GPM6A: variants seen among roughly 807,000 people sequenced by gnomAD.
GPM6A encodes the protein glycoprotein M6A.
A neutral mutation model predicts 32.1 loss-of-function variants in GPM6A; 7 were observed. That is an observed-to-expected ratio of 0.22 (90% CI 0.12 to 0.41). The LOEUF is 0.41. Ranked by LOEUF, GPM6A falls within the 10% of genes least tolerant of loss-of-function variation. GPM6A has a pLI of 1.00. For synonymous variants in GPM6A, 130 were observed against 123.4 expected, an observed-to-expected ratio of 1.05 and a Z score of -0.35; for missense variants, 235 against 347.2, an observed-to-expected ratio of 0.68 and a Z score of 2.57.
At chr4:175,876,331 T>C (rs937369903) in intron 1 of GPM6A, among the ~76,000 whole-genome samples, 1 of 152,190 alleles carries the variant, frequency 6.6e-6, no homozygotes, top group African/African-American at 2.4e-5. Context: ...ATATGACTCA[T>C]GCAATGGCCA....
chr4:175,721,165 A>ATATATATATATATATT (rs1553981545), intron 1 of GPM6A, among the ~76,000 whole-genome samples: 2 of 145,316 alleles, frequency 1.4e-5, no homozygotes, highest in Non-Finnish European at 3.0e-5. Context: ...ATATATATAT[A>ATATATATATATATATT]TTTTCTATTT....
intron 1 of GPM6A, among the ~76,000 whole-genome samples, chr4:175,758,868 A>G (rs1202587022): frequency 2.6e-5 from 4 of 152,170 alleles, no homozygotes; most frequent in African/African-American, 9.6e-5. Flanking sequence ...GGATTGCAAC[A>G]TCAAGTTTTA....
intron 1 of GPM6A, among the ~76,000 whole-genome samples, chr4:175,848,114 CAG>C (rs1488444531): frequency 6.6e-6 from 1 of 152,194 alleles, no homozygotes; most frequent in African/African-American, 2.4e-5. Flanking sequence ...GCAAAAAGCT[CAG>C]AGTTCCCTTT....
intron 1 of GPM6A, among the ~76,000 whole-genome samples, chr4:175,867,808 G>T (rs934548061): frequency 6.6e-6 from 1 of 152,152 alleles, no homozygotes; most frequent in African/African-American, 2.4e-5. Context: ...GGCTACAGCC[G>T]ATTGAAGTGG....
chr4:175,945,506 TGTAA>T (rs1406997245), intron 1 of GPM6A, among the ~76,000 whole-genome samples: 1 of 152,062 alleles, frequency 6.6e-6, no homozygotes, highest in Non-Finnish European at 1.5e-5. Flanking sequence ...ATTACTTAGT[TGTAA>T]GTAATACACA....
intron 1 of GPM6A, among the ~76,000 whole-genome samples, chr4:175,918,512 A>G (rs1738567298): frequency 6.6e-6 from 1 of 152,108 alleles, no homozygotes. Flanking sequence ...TAACAACAAA[A>G]AAAAAAAGCT....
At chr4:175,945,873 C>A (rs80053137) in intron 1 of GPM6A, among the ~76,000 whole-genome samples, 65 of 148,676 alleles carry the variant, frequency 4.4e-4, no homozygotes, top group Non-Finnish European at 7.7e-4. Context: ...ACGTACAACT[C>A]AGTAATACGG....
chr4:175,755,102 T>G (rs927995587), intron 1 of GPM6A, among the ~76,000 whole-genome samples: 1 of 152,114 alleles, frequency 6.6e-6, no homozygotes, highest in Non-Finnish European at 1.5e-5. Context: ...AAATAAAACA[T>G]TTAACCTTTC....
At chr4:175,989,179 C>T (rs1741064760) in intron 1 of GPM6A, among the ~76,000 whole-genome samples, 1 of 152,052 alleles carries the variant, frequency 6.6e-6, no homozygotes, top group African/African-American at 2.4e-5. Flanking sequence ...ATCCTATTAG[C>T]TTTAAAAAAA....
intron 1 of GPM6A, among the ~76,000 whole-genome samples, chr4:175,928,951 T>G (rs72704542): frequency 0.023 from 3,447 of 152,294 alleles, 69 homozygotes; most frequent in African/African-American, 0.044. Context: ...AGAATACATT[T>G]TAAGCACATT....
At chr4:175,998,388 C>T (rs1461592102) in intron 1 of GPM6A, among the ~76,000 whole-genome samples, 2 of 152,138 alleles carry the variant, frequency 1.3e-5, no homozygotes, top group Non-Finnish European at 2.9e-5. Context: ...CTGGCTTCAA[C>T]TGATCCACCC....
At chr4:175,727,835 C>T (rs1731244276) in intron 1 of GPM6A, among the ~76,000 whole-genome samples, 1 of 151,932 alleles carries the variant, frequency 6.6e-6, no homozygotes, top group Non-Finnish European at 1.5e-5. Flanking sequence ...GAAACCCCAT[C>T]TCTACTAAAA....
intron 2 of GPM6A, among the ~76,000 whole-genome samples, chr4:175,681,168 T>C (rs995256780): frequency 5.3e-5 from 8 of 152,208 alleles, no homozygotes; most frequent in African/African-American, 1.9e-4. Flanking sequence ...TTGTTACGTA[T>C]TGCCAATTCC....
Position 175,959,059 on chromosome 4 carries a change from C to G in GPM6A, c.-23+43250G>C, listed in dbSNP as rs533281060. On this transcript the variant is annotated intron_variant, in intron 1 of 7. Coordinates refer to the GPM6A transcript ENST00000280187. ...AAAACACTTAAAAACCCTATAGTTA[C>G]AATATAGGTAGGAATAGTAGACGGA... is the stretch of plus-strand genomic sequence containing the variant. Among the ~76,000 whole-genome samples, 6 of 152,082 alleles carry G rather than the reference C, an allele frequency of 3.9e-5. No homozygotes were observed. In the East Asian group the frequency reaches 1.2e-3, roughly 29 times the overall value.
intron 1 of GPM6A, among the ~76,000 whole-genome samples, chr4:175,707,953 G>GA (rs1161559374): frequency 6.6e-6 from 1 of 151,484 alleles, no homozygotes; most frequent in Non-Finnish European, 1.5e-5. Context: ...GCATTCATGA[G>GA]AAAAAAAATG....
At chr4:175,771,101 A>G (rs1733169189) in intron 1 of GPM6A, among the ~76,000 whole-genome samples, 1 of 152,070 alleles carries the variant, frequency 6.6e-6, no homozygotes, top group Non-Finnish European at 1.5e-5. Context: ...TATTTTCTCT[A>G]TCCTAACCTA....
intron 1 of GPM6A, among the ~76,000 whole-genome samples, chr4:175,889,333 G>C (rs1012847548): frequency 6.6e-6 from 1 of 152,044 alleles, no homozygotes; most frequent in East Asian, 1.9e-4. Context: ...AAACTAGACT[G>C]AGCAATATGG....
At chr4:175,969,581 G>T (rs144832214) in intron 1 of GPM6A, among the ~76,000 whole-genome samples, 7,987 of 152,070 alleles carry the variant, frequency 0.053, 530 homozygotes, top group African/African-American at 0.16. Context: ...CGTGGTGGTG[G>T]GCACTTGTAA....
chr4:175,670,048 T>C (rs999793874), intron 3 of GPM6A, among the ~76,000 whole-genome samples: 13 of 152,100 alleles, frequency 8.5e-5, no homozygotes, highest in South Asian at 4.1e-4. Context: ...CTCAAACTTC[T>C]AGCTTCCTGA....
Sources: gnomAD v4.1 joint callset for allele counts (sites outside exome capture counted in the v4.1 genomes callset) on GRCh38, gnomAD v4.1.1 for gene constraint, MANE v1.5 for transcripts, NCBI Gene and HGNC (gene_info 2026-07-23, HGNC 2026-07-21) for gene names.